Variants in SIMC1 observed in about 807,000 individuals in gnomAD.
SIMC1 encodes SUMO interacting motifs containing 1.
A neutral mutation model predicts 82.3 loss-of-function variants in SIMC1; 55 were observed. The ratio of observed to expected loss-of-function variants is 0.67; its 90% CI spans 0.54 to 0.84. SIMC1 has a LOEUF of 0.84. Among genes scored for constraint, SIMC1 ranks in the 40% least tolerant of loss-of-function variants. The probability of loss-of-function intolerance (pLI) is 0.00; values close to 1 mark genes in which losing one functional copy is unlikely to be tolerated. For synonymous variants in SIMC1, 353 were observed against 426.3 expected (o/e 0.83, Z 2.12); for missense variants, 915 against 1,107.2 (o/e 0.83, Z 2.46).
intron 5 of SIMC1, among the ~76,000 whole-genome samples, chr5:176,316,970 GAGGA>G (rs1484244193): frequency 2.0e-5 from 3 of 152,176 alleles, no homozygotes; most frequent in Non-Finnish European, 4.4e-5. Flanking sequence ...CTGGGCAACA[GAGGA>G]AGACTCTATC....
chr5:176,260,878 C>CA, intron 1 of SIMC1: 1 of 152,334 alleles, frequency 6.6e-6, no homozygotes, highest in Middle Eastern at 3.4e-3. Context: ...ACCTAGTGCT[C>CA]AGACGTGGGA....
At position 176,290,876 on chromosome 5, in the gene SIMC1, A is replaced by G. The variant is rs750116769; in HGVS notation, c.1352A>G (p.His451Arg). 1.9e-6 allele frequency: 3 copies of G among 1,613,184 alleles called. No homozygotes were observed. Among genetic ancestry groups the G allele is most frequent in the Middle Eastern group, 1.7e-4 (1 of 6,054 alleles). ...GGGTTGTACAACAGACCATGCCTGC[A>G]TAGACTGAAGTACTTCTTACGTCCT... The part of the protein sequence containing the change: ...QGGLYNRPCL[H>R]RLKYFLRPPV... The change falls in exon 2 of 10, where the codon CAT (histidine) becomes CGT (arginine). Residue 451 changes from histidine to arginine, a missense_variant. Around this residue, in one of 2 missense-constraint regions of SIMC1, gnomAD observed 902 missense variants for 1,040.3 expected, o/e 0.87. Transcript: ENST00000429602.
chr5:176,308,943 A>T, intron 4 of SIMC1: 2 of 1,081,806 alleles, frequency 1.8e-6, no homozygotes, highest in Non-Finnish European at 2.9e-6. Context: ...CTGGAGCAAA[A>T]CCAATAGCAT....
intron 1 of SIMC1, among the ~76,000 whole-genome samples, chr5:176,250,005 G>A (rs1034248400): frequency 2.8e-4 from 43 of 152,014 alleles, no homozygotes; most frequent in African/African-American, 9.9e-4. Flanking sequence ...TTTTAATTGT[G>A]ATGTTAGGGT....
At chr5:176,245,097 T>C (rs767006687) in intron 1 of SIMC1, among the ~76,000 whole-genome samples, 1 of 152,210 alleles carries the variant, frequency 6.6e-6, no homozygotes, top group Non-Finnish European at 1.5e-5. Context: ...CCTAAAAAGA[T>C]GTGCTGAAGT....
In SIMC1 at chr5:176,268,324, G is replaced by C. The variant is rs1475344976; in HGVS notation, c.130-21330G>C. 3.9e-5 allele frequency among the ~76,000 whole-genome samples: 4 copies of C among 102,256 alleles called. No homozygotes were observed. In the East Asian group the frequency reaches 1.0e-3, roughly 26 times the overall value. The allele number at this position is 102,256 out of a possible 152,430, so 67.1% of individuals were successfully genotyped here. ...AAAGTGAACATGTAAATAATTAAGT[G>C]TAAATAGACCAAAATTCTAAACAAA... is the stretch of plus-strand genomic sequence containing the variant. On this transcript the variant is annotated intron_variant, in intron 1 of 9. Transcript: ENST00000429602.
At chr5:176,302,214 G>A (rs1764070140) in intron 4 of SIMC1, among the ~76,000 whole-genome samples, 1 of 152,138 alleles carries the variant, frequency 6.6e-6, no homozygotes, top group African/African-American at 2.4e-5. Context: ...CACAGATACA[G>A]AGAGCCAACT....
chr5:176,263,474 C>T, intron 1 of SIMC1: 4 of 1,545,602 alleles, frequency 2.6e-6, no homozygotes, highest in Non-Finnish European at 3.5e-6. Flanking sequence ...AGGAAGCTTC[C>T]AACCATGGCA....
chr5:176,345,560 T>G lies in SIMC1; in HGVS notation c.*115T>G. The G allele has an allele frequency of 8.5e-7, 1 of 1,177,132 alleles. No individual in the cohort carries two copies. The allele number at this position is 1,177,132 out of a possible 1,614,324, so 72.9% of individuals were successfully genotyped here. On this transcript the variant is annotated 3_prime_UTR_variant, in exon 10 of 10. Transcript: ENST00000429602. ...TCTTACAGGACCAAACCTGCATTAT[T>G]TAATCAGTAGGTTGTAATTTCTAAC...
rs2560201 is a variant in SIMC1 at position 176,290,698 on chromosome 5, T to G, written c.1174T>G (p.Ser392Ala). The G allele has an allele frequency of 1.2e-6, 2 of 1,613,736 alleles. No homozygotes were observed. The highest frequency in any genetic ancestry group is 1.7e-6 in the Non-Finnish European group (2 of 1,179,868). ...DMPMDISALS[S>A]PSCSPSPQSE... ...GCCTATGGATATCTCAGCTCTGTCC[T>G]CTCCAAGCTGCTCTCCCAGCCCACA... The change falls in exon 2 of 10, where the codon TCT (serine) becomes GCT (alanine). Residue 392 changes from serine (S) to alanine (A), a missense_variant. By Grantham distance (99) the Ser-to-Ala change is moderately conservative (BLOSUM62 1). Transcript: ENST00000429602.
Position 176,295,098 on chromosome 5 carries a change from G to C in SIMC1, c.1500G>C (p.Glu500Asp). ...RLRMVTNTIE[E>D]NFPLGTVQFL... ...GAATGGTAACAAATACCATTGAAGA[G>C]AATTTTCCTCTGGGGACTGTGCAGT... Residue 500 changes from glutamate (E) to aspartate (D), a missense_variant, in exon 3 of 10, where the codon GAG becomes GAC. Physicochemically the swap from Glu to Asp is conservative, Grantham distance 45. Around this residue, in one of 2 missense-constraint regions of SIMC1, gnomAD observed 902 missense variants for 1,040.3 expected, o/e 0.87. Transcript: ENST00000429602. The C allele has an allele frequency of 6.2e-7, 1 of 1,613,188 alleles. No individual in the cohort carries two copies. Among genetic ancestry groups the C allele is most frequent in the Non-Finnish European group, 8.5e-7 (1 of 1,179,646 alleles).
intron 7 of SIMC1, among the ~76,000 whole-genome samples, chr5:176,327,037 A>G (rs1422376308): frequency 6.6e-6 from 1 of 152,228 alleles, no homozygotes; most frequent in Non-Finnish European, 1.5e-5. Flanking sequence ...AAGAAAGTGC[A>G]CATGAATACC....
Position 176,277,674 on chromosome 5 carries a change from C to T in SIMC1, c.130-11980C>T, listed in dbSNP as rs569252856. ...TTTCAGCTTTCTACATATGGCTAGC[C>T]GGTTTTCCCAGCACCATTTATTAAC... On this transcript the variant is annotated intron_variant, in intron 1 of 9. Coordinates refer to ENST00000429602, the MANE Select transcript of SIMC1 (RefSeq NM_001308195.2). Among the ~76,000 whole-genome samples the T allele has an allele frequency of 1.7e-4, 26 of 152,130 alleles. 2 individuals are homozygous for T. The highest frequency in any genetic ancestry group is 4.1e-4 in the South Asian group (2 of 4,824).
intron 1 of SIMC1, among the ~76,000 whole-genome samples, chr5:176,277,230 G>A (rs1466640160): frequency 6.6e-6 from 1 of 151,476 alleles, no homozygotes; most frequent in Non-Finnish European, 1.5e-5. Context: ...GTGTTTTTTG[G>A]CTGCATAAAT....
intron 4 of SIMC1, among the ~76,000 whole-genome samples, chr5:176,311,522 C>T (rs1206861515): frequency 6.6e-6 from 1 of 151,074 alleles, no homozygotes; most frequent in Non-Finnish European, 1.5e-5. Context: ...AGATCACAGG[C>T]ATGAATGACT....
intron 7 of SIMC1, among the ~76,000 whole-genome samples, chr5:176,333,173 G>A (rs1472928359): frequency 6.6e-6 from 1 of 151,882 alleles, no homozygotes; most frequent in Non-Finnish European, 1.5e-5. Flanking sequence ...GCGTGGTGGT[G>A]CGCACCTGTC....
In SIMC1 at chr5:176,279,926, G is replaced by A. The variant is rs1020391023; in HGVS notation, c.130-9728G>A. On this transcript the variant is annotated intron_variant, in intron 1 of 9. Coordinates refer to ENST00000429602, the MANE Select transcript of SIMC1 (RefSeq NM_001308195.2). ...GTCAATTTTGGAATAGGTGTGGTGC[G>A]GTGCTGAAAAAAATGTATATTCTGT... 1.5e-4 allele frequency among the ~76,000 whole-genome samples: 23 copies of A among 152,110 alleles called. No homozygotes were observed. The East Asian group carries it at 2.5e-3, about 17-fold the overall frequency.
At chr5:176,252,706 G>A (rs1761716400) in intron 1 of SIMC1, among the ~76,000 whole-genome samples, 1 of 152,156 alleles carries the variant, frequency 6.6e-6, no homozygotes, top group Non-Finnish European at 1.5e-5. Context: ...TGGGCGGCCA[G>A]GCAGAGACGC....
chr5:176,261,972 T>C (rs1329342398), intron 1 of SIMC1, among the ~76,000 whole-genome samples: 1 of 152,048 alleles, frequency 6.6e-6, no homozygotes, highest in Non-Finnish European at 1.5e-5. Flanking sequence ...TAACTAGCTC[T>C]ATGAGACCAA....
Sources: gnomAD v4.1 joint callset for allele counts (sites outside exome capture counted in the v4.1 genomes callset) on GRCh38, gnomAD v4.1.1 for gene constraint, gnomAD v4.1.1 regional missense constraint, MANE v1.5 for transcripts, NCBI Gene and HGNC (gene_info 2026-07-23, HGNC 2026-07-21) for gene names.